Variants in CDH13 observed in about 807,000 individuals in gnomAD.
CDH13 encodes cadherin 13, also known as cadherin-13.
A neutral mutation model predicts 63.8 loss-of-function variants in CDH13; 24 were observed. The ratio of observed to expected loss-of-function variants is 0.38; its 90% CI spans 0.27 to 0.53. The LOEUF is 0.53. Ranked by LOEUF, CDH13 falls within the 20% of genes least tolerant of loss-of-function variation. The pLI, the probability that CDH13 is intolerant of heterozygous loss-of-function variation, is 0.85. For missense variants in CDH13, 1,049 were observed against 903.1 expected, an observed-to-expected ratio of 1.16 and a Z score of -2.07; for synonymous variants, 503 against 355.3, an observed-to-expected ratio of 1.42 and a Z score of -4.67.
chr16:83,246,114 A>G (rs1397892469), intron 5 of CDH13, among the ~76,000 whole-genome samples: 3 of 152,152 alleles, frequency 2.0e-5, no homozygotes, highest in Non-Finnish European at 2.9e-5. Context: ...TACAGTCAAG[A>G]TTTAGAATAG....
chr16:83,397,567 A>G (rs1054854699), intron 6 of CDH13: 1 of 152,246 alleles, frequency 6.6e-6, no homozygotes, highest in Non-Finnish European at 1.5e-5. Flanking sequence ...GTATTTTAGC[A>G]AGGAGAGCGT....
intron 1 of CDH13, among the ~76,000 whole-genome samples, chr16:82,811,961 T>C (rs1279987276): frequency 1.3e-5 from 2 of 152,126 alleles, no homozygotes; most frequent in African/African-American, 4.8e-5. Context: ...TAAAAAGATA[T>C]TGGGACACAT....
At chr16:83,772,523 G>A (rs569404991) in intron 11 of CDH13, among the ~76,000 whole-genome samples, 49 of 152,250 alleles carry the variant, frequency 3.2e-4, no homozygotes, top group South Asian at 2.9e-3. Flanking sequence ...AGAAACTCCC[G>A]GCATCAAAGA....
intron 7 of CDH13, among the ~76,000 whole-genome samples, chr16:83,554,773 T>C (rs2075570877): frequency 6.6e-6 from 1 of 152,186 alleles, no homozygotes; most frequent in South Asian, 2.1e-4. Context: ...TATTGATCTT[T>C]GTAGCCAGCA....
intron 3 of CDH13, among the ~76,000 whole-genome samples, chr16:83,079,895 A>C (rs1040606164): frequency 6.6e-6 from 1 of 152,214 alleles, no homozygotes; most frequent in Non-Finnish European, 1.5e-5. Flanking sequence ...AAACAAGCTT[A>C]TTTCTAATTT....
Position 83,798,111 on chromosome 16 carries a change from A to G in CDH13, c.*3081A>G, listed in dbSNP as rs1029829252. On this transcript the variant is annotated 3_prime_UTR_variant, in exon 14 of 14. Coordinates refer to ENST00000567109, the MANE Select transcript of CDH13 (RefSeq NM_001257.5). ...AAAGAACATCGTTAGAAATTTTGAT[A>G]GCTCATTCCAGAGTTTCAGAATGTC... 6.6e-6 allele frequency: 1 copy of G among 152,248 alleles called. No individual in the cohort carries two copies. Among genetic ancestry groups the G allele is most frequent in the Non-Finnish European group, 1.5e-5 (1 of 68,046 alleles). 9.4% of individuals were successfully genotyped at this position (152,248 alleles called of 1,614,324 possible). A position where few individuals can be genotyped will look rare whatever the true frequency, so the allele number is the denominator to read the frequency against.
chr16:83,091,002 C>G (rs2033879449), intron 3 of CDH13, among the ~76,000 whole-genome samples: 2 of 151,768 alleles, frequency 1.3e-5, no homozygotes. Flanking sequence ...ATGTTTGTTA[C>G]TGTAATTTTT....
chr16:82,804,101 G>A lies in CDH13; in HGVS notation c.46-54261G>A, dbSNP rs377142347. The stretch of plus-strand genomic sequence containing the variant: ...AAATTAGCTGGGCGTGGTGGTGCGC[G>A]CCTGTAGTCCCAGCTACTCAGGAGG... On this transcript the variant is annotated intron_variant, in intron 1 of 13. Transcript: ENST00000567109. Among the ~76,000 whole-genome samples, 300 of 152,052 alleles carry A rather than the reference G, an allele frequency of 2.0e-3. 12 individuals carry two copies. In the South Asian group the frequency reaches 0.058, roughly 29 times the overall value.
At chr16:83,159,615 A>G (rs551842945) in intron 4 of CDH13, among the ~76,000 whole-genome samples, 15 of 152,340 alleles carry the variant, frequency 9.8e-5, no homozygotes, top group African/African-American at 3.1e-4. Flanking sequence ...TAGCAGAAAG[A>G]AGAAACGATA....
intron 1 of CDH13, among the ~76,000 whole-genome samples, chr16:82,721,733 T>A (rs529364876): frequency 6.6e-6 from 1 of 152,294 alleles, no homozygotes; most frequent in East Asian, 1.9e-4. Context: ...CAGATTTTGT[T>A]CTAAATACAA....
chr16:83,360,065 C>T (rs1324254698), intron 6 of CDH13, among the ~76,000 whole-genome samples: 1 of 152,158 alleles, frequency 6.6e-6, no homozygotes, highest in Non-Finnish European at 1.5e-5. Flanking sequence ...TTTTACTTAG[C>T]GTGTTGTTCA....
intron 11 of CDH13, among the ~76,000 whole-genome samples, chr16:83,749,168 G>T (rs1336174330): frequency 2.0e-5 from 3 of 152,190 alleles, no homozygotes; most frequent in Non-Finnish European, 4.4e-5. Flanking sequence ...TATGGCTAAA[G>T]ATTCAGTTTT....
chr16:82,887,843 G>C (rs1307087729), intron 2 of CDH13, among the ~76,000 whole-genome samples: 1 of 151,992 alleles, frequency 6.6e-6, no homozygotes, highest in African/African-American at 2.4e-5. Context: ...GAAAGGAGAA[G>C]AGTGTCTCAA....
At chr16:82,664,842 G>T (rs1393161906) in intron 1 of CDH13, among the ~76,000 whole-genome samples, 2 of 152,076 alleles carry the variant, frequency 1.3e-5, no homozygotes, top group African/African-American at 2.4e-5. Context: ...TACAGATATT[G>T]GTTAAAAGCA....
intron 8 of CDH13, among the ~76,000 whole-genome samples, chr16:83,650,051 G>A (rs1295624373): frequency 2.0e-5 from 3 of 152,172 alleles, no homozygotes; most frequent in African/African-American, 7.2e-5. Flanking sequence ...CATTGAGACA[G>A]CCCCAAGGGT....
intron 1 of CDH13, among the ~76,000 whole-genome samples, chr16:82,736,836 C>G (rs1381401374): frequency 6.6e-6 from 1 of 152,142 alleles, no homozygotes; most frequent in African/African-American, 2.4e-5. Flanking sequence ...GATGGGGTTC[C>G]CACACCTGGT....
intron 11 of CDH13, among the ~76,000 whole-genome samples, chr16:83,751,443 T>A (rs113054686): frequency 1.9e-4 from 27 of 138,746 alleles, no homozygotes; most frequent in East Asian, 4.1e-4. Flanking sequence ...AAAAAAAAAA[T>A]ATACCTCCCC....
chr16:83,164,508 G>C lies in CDH13; in HGVS notation c.483+39007G>C, dbSNP rs563422597. Among the ~76,000 whole-genome samples, 9 of 152,096 alleles carry C rather than the reference G, an allele frequency of 5.9e-5. No homozygotes were observed. The South Asian group carries it at 1.7e-3, about 28-fold the overall frequency. On this transcript the variant is annotated intron_variant, in intron 4 of 13. Coordinates refer to ENST00000567109, the MANE Select transcript of CDH13 (RefSeq NM_001257.5). Reference sequence around the variant, plus strand: ...CTAGGGGCCCCACAGATCTCCTGAGGTCAGGGGTTCAAAACCAGCCTGGCC... The same window carrying C: ...CTAGGGGCCCCACAGATCTCCTGAGCTCAGGGGTTCAAAACCAGCCTGGCC...
At chr16:83,162,657 A>T (rs1180792834) in intron 4 of CDH13, among the ~76,000 whole-genome samples, 1 of 151,744 alleles carries the variant, frequency 6.6e-6, no homozygotes, top group Non-Finnish European at 1.5e-5. Context: ...CAGTTACTGA[A>T]TGAGCTTGTC....
Sources: gnomAD v4.1 joint callset for allele counts (sites outside exome capture counted in the v4.1 genomes callset) on GRCh38, gnomAD v4.1.1 for gene constraint, MANE v1.5 for transcripts, NCBI Gene and HGNC (gene_info 2026-07-23, HGNC 2026-07-21) for gene names.